MCM3: variants seen among roughly 807,000 people sequenced by gnomAD.
MCM3 encodes the protein DNA replication licensing factor MCM3.
In MCM3, 59 loss-of-function variants were observed where a neutral mutation model predicts 91.3. The ratio of observed to expected loss-of-function variants is 0.65; its 90% CI spans 0.52 to 0.80. MCM3 has a LOEUF of 0.80. Ranked by LOEUF, MCM3 falls within the 30% of genes least tolerant of loss-of-function variation. The pLI, the probability that MCM3 is intolerant of heterozygous loss-of-function variation, is 0.00. For synonymous variants in MCM3, 383 were observed against 379.6 expected (o/e 1.01, Z -0.10); for missense variants, 919 against 1,035.4 (o/e 0.89, Z 1.54).
rs1447526088 is a variant in MCM3 at position 52,273,734 on chromosome 6, G to A, written c.1549+8C>T. Reference sequence around the variant, plus strand: ...CATTAGTTACTCTTACTATTCTTATGGCCTCACCATCGCCATCCTGCTCCC... The same window carrying A: ...CATTAGTTACTCTTACTATTCTTATAGCCTCACCATCGCCATCCTGCTCCC... On this transcript the variant is annotated splice_region_variant and intron_variant, in intron 10 of 16. Transcript: ENST00000596288. The A allele has an allele frequency of 6.2e-7, 1 of 1,604,828 alleles. No homozygotes were observed. The highest frequency in any genetic ancestry group is 1.7e-5 in the Admixed American group (1 of 59,244).
intron 9 of MCM3, among the ~76,000 whole-genome samples, chr6:52,274,690 G>GAAA (rs35200263): frequency 8.1e-5 from 10 of 123,938 alleles, no homozygotes; most frequent in African/African-American, 2.8e-4. Context: ...CTATGTCTCA[G>GAAA]AAAAAAAAAA....
intron 3 of MCM3, 144 bp from the exon 4 acceptor site, chr6:52,282,319 C>T (rs1045814981): frequency 6.7e-6 from 5 of 749,036 alleles, no homozygotes; most frequent in Admixed American, 2.7e-5. Flanking sequence ...CTTTTATTCA[C>T]TTTTTTATTT....
In MCM3 at chr6:52,283,308, C is replaced by T. The variant is rs530104227; in HGVS notation, c.177G>A (p.Glu59=). ...VNVNDLRRKN[E]KRANRLLNNA... is the part of the protein sequence containing the mutation. ...TTGCCTCTCACCGGTTAGCCCTCTT[C>T]TCGTTTTTCCTGCGCAGGTCATTCA... is the stretch of plus-strand genomic sequence containing the variant. Residue 59 remains glutamate (E), a synonymous_variant, in exon 2 of 17, where the codon GAG becomes GAA. Coordinates refer to ENST00000596288, the MANE Select transcript of MCM3 (RefSeq NM_002388.6). The T allele has an allele frequency of 1.1e-4, 185 of 1,614,062 alleles. 1 individual carries two copies. The South Asian group carries it at 1.9e-3, about 16-fold the overall frequency.
intron 7 of MCM3, 44 bp downstream of exon 7, chr6:52,277,491 A>C (rs1765683368): frequency 2.5e-6 from 4 of 1,573,046 alleles, no homozygotes; most frequent in African/African-American, 2.7e-5. Flanking sequence ...CTCCACAACC[A>C]CTCCATCAGA....
At chr6:52,275,215 TA>T (rs1264310021) in intron 9 of MCM3, among the ~76,000 whole-genome samples, 9 of 152,308 alleles carry the variant, frequency 5.9e-5, no homozygotes, top group Admixed American at 2.6e-4. Context: ...ACTGTATGTA[TA>T]AAAAACACCA....
chr6:52,268,017 G>A (rs771421419), intron 13 of MCM3, 49 bp from the exon 14 acceptor site: 13 of 1,612,782 alleles, frequency 8.1e-6, no homozygotes, highest in Non-Finnish European at 1.0e-5. Flanking sequence ...CTGATGCAGG[G>A]GAACTGCATC....
chr6:52,276,271 G>A lies in MCM3; in HGVS notation c.1371C>T (p.Gly457=), dbSNP rs1454329036. ...SVLAAANPVY[G]RYDQYKTPME... ...GTTGGGGCCTGATTCCACTTACCCT[G>A]CCGTAGACAGGGTTGGCAGCTGCCA... The change falls in exon 9 of 17, where the codon GGC becomes GGT. Residue 457 remains glycine, a synonymous_variant. Coordinates refer to ENST00000596288, the MANE Select transcript of MCM3 (RefSeq NM_002388.6). 1.2e-6 allele frequency: 2 copies of A among 1,609,714 alleles called. No homozygotes were observed. The highest frequency in any genetic ancestry group is 1.1e-5 in the South Asian group (1 of 90,572).
chr6:52,268,944 T>G (rs970376344), intron 13 of MCM3, 142 bp downstream of exon 13: 1 of 825,916 alleles, frequency 1.2e-6, no homozygotes, highest in African/African-American at 1.7e-5. Context: ...GAGGAAAGAG[T>G]GAGGCAGACT....
intron 12 of MCM3, among the ~76,000 whole-genome samples, chr6:52,270,975 G>A (rs1765085089): frequency 6.6e-6 from 1 of 152,196 alleles, no homozygotes. Context: ...CACTTTGGAA[G>A]GCCGAGATGG....
At chr6:52,270,126 C>T (rs1366003450) in intron 12 of MCM3, among the ~76,000 whole-genome samples, 1 of 152,084 alleles carries the variant, frequency 6.6e-6, no homozygotes, top group East Asian at 1.9e-4. Context: ...GAGCTTGAGA[C>T]CACCCTGACC....
chr6:52,283,892 G>A (rs1766393513), intron 1 of MCM3, among the ~76,000 whole-genome samples: 1 of 152,060 alleles, frequency 6.6e-6, no homozygotes. Context: ...AAATAAAACA[G>A]ACTCTTAATA....
rs771835926 is a variant in MCM3 at position 52,277,239 on chromosome 6, C to T, written c.1034-41G>A. ...AGTGATGACTCTCTAGGAAACTCCC[C>T]AGCACCCCCAGCAAATTCTGCCTTT... On this transcript the variant is annotated intron_variant, in intron 7 of 16. Transcript: ENST00000596288. 10 of 1,588,628 alleles carry T rather than the reference C, an allele frequency of 6.3e-6. No homozygotes were observed. The African/African-American group carries it at 9.4e-5, about 15-fold the overall frequency.
At position 52,276,391 on chromosome 6, in the gene MCM3, C is replaced by T. The variant is rs192841419; in HGVS notation, c.1251G>A (p.Met417Ile). The part of the protein sequence containing the change: ...CIDEFDKMSD[M>I]DRTAIHEVME... ...TCACTTCATGGATGGCTGTGCGATC[C>T]ATGTCAGACATTTTGTCAAATTCAT... Residue 417 changes from methionine to isoleucine, a missense_variant, in exon 9 of 17, where the codon ATG becomes ATA. Transcript: ENST00000596288. 3.7e-6 allele frequency: 6 copies of T among 1,614,182 alleles called. No individual in the cohort carries two copies. The African/African-American group carries it at 6.7e-5, about 18-fold the overall frequency.
At chr6:52,281,920 T>C (rs1766131056) in intron 4 of MCM3, 125 bp downstream of exon 4, 1 of 891,514 alleles carries the variant, frequency 1.1e-6, no homozygotes, top group Non-Finnish European at 1.6e-6. Context: ...ATCTTTCCTT[T>C]GGATTAATCC....
At chr6:52,268,289 T>C (rs1353935096) in intron 13 of MCM3, among the ~76,000 whole-genome samples, 1 of 152,206 alleles carries the variant, frequency 6.6e-6, no homozygotes, top group East Asian at 1.9e-4. Flanking sequence ...AGGTGTCTAA[T>C]TGAAATCCAA....
At chr6:52,284,302 A>G (rs1161998373) in intron 1 of MCM3, among the ~76,000 whole-genome samples, 1 of 152,204 alleles carries the variant, frequency 6.6e-6, no homozygotes, top group East Asian at 1.9e-4. Flanking sequence ...GTGAAATGCA[A>G]AAGGCCGAGG....
At chr6:52,271,177 CAAA>C (rs968099028) in intron 12 of MCM3, among the ~76,000 whole-genome samples, 1 of 148,904 alleles carries the variant, frequency 6.7e-6, no homozygotes, top group Non-Finnish European at 1.5e-5. Flanking sequence ...GACCGCATCT[CAAA>C]AAAAAAGTCC....
intron 6 of MCM3, among the ~76,000 whole-genome samples, 169 bp downstream of exon 6, chr6:52,278,573 A>G (rs988521928): frequency 3.9e-5 from 6 of 152,238 alleles, no homozygotes; most frequent in Admixed American, 2.0e-4. Context: ...CAGAATTACT[A>G]AAGAACAAAC....
At position 52,272,402 on chromosome 6, in the gene MCM3, T is replaced by C; in HGVS notation, c.1726A>G (p.Lys576Glu). ...AFMKKYIHVA[K>E]IIKPVLTQES... ...TGTGTCAGGACAGGCTTGATGATTT[T>C]GGCCACATGGATGTACTTCTTCATG... The change falls in exon 12 of 17, where the codon AAA becomes GAA. Residue 576 changes from lysine (K) to glutamate (E), a missense_variant. Transcript: ENST00000596288. The C allele has an allele frequency of 6.2e-7, 1 of 1,614,216 alleles. No homozygotes were observed. The highest frequency in any genetic ancestry group is 8.5e-7 in the Non-Finnish European group (1 of 1,180,040).
Sources: gnomAD v4.1 joint callset for allele counts (sites outside exome capture counted in the v4.1 genomes callset) on GRCh38, gnomAD v4.1.1 for gene constraint, MANE v1.5 for transcripts, NCBI Gene and HGNC (gene_info 2026-07-23, HGNC 2026-07-21) for gene names.